Variants in HID1 observed in about 807,000 individuals in gnomAD.
HID1 encodes the protein HID1 domain containing, also known as protein HID1.
In HID1, 42 loss-of-function variants were observed where a neutral mutation model predicts 89.7. The observed-to-expected ratio is 0.47, with a 90% CI of 0.37 to 0.61. HID1 has a LOEUF of 0.61. Among genes scored for constraint, HID1 ranks in the 20% least tolerant of loss-of-function variants. The probability of loss-of-function intolerance (pLI) is 0.00; values close to 1 mark genes in which losing one functional copy is unlikely to be tolerated. For synonymous variants in HID1, 442 were observed against 433.8 expected, an observed-to-expected ratio of 1.02 and a Z score of -0.24; for missense variants, 854 against 1,039.3, an observed-to-expected ratio of 0.82 and a Z score of 2.45.
rs1301128741 is a variant in HID1 at position 74,963,022 on chromosome 17, A to G, written c.447T>C (p.Ile149=). The change falls in exon 4 of 19, where the codon ATT becomes ATC. Residue 149 remains isoleucine (I), a synonymous_variant. Transcript: ENST00000425042. ...AGTCCGGGCAGAAGAGCAGGTCAGC[A>G]ATGGCCAGGAGCAGGGACTCGGCCA... ...RPLAESLLLA[I]ADLLFCPDFT... is the part of the protein sequence containing the mutation. The G allele has an allele frequency of 6.2e-7, 1 of 1,613,536 alleles. No homozygotes were observed. Among genetic ancestry groups the G allele is most frequent in the Non-Finnish European group, 8.5e-7 (1 of 1,179,752 alleles).
In HID1 at chr17:74,960,214, T is replaced by C; in HGVS notation, c.763A>G (p.Thr255Ala). Residue 255 changes from threonine (T) to alanine (A), a missense_variant, in exon 7 of 19, where the codon ACC becomes GCC. Transcript: ENST00000425042. The part of the protein sequence containing the change: ...ALPLFTSLLN[T>A]VCAYDPVGYG... ...CCCACAGGGTCATAGGCACACACGG[T>C]GTTGAGGAGGGAGGTGAAGAGGGGC... 1 of 1,612,858 alleles carries C rather than the reference T, an allele frequency of 6.2e-7. No homozygotes were observed. The highest frequency in any genetic ancestry group is 1.1e-5 in the South Asian group (1 of 91,082).
At chr17:74,954,592 C>T (rs1327276347) in intron 13 of HID1, 2 of 710,388 alleles carry the variant, frequency 2.8e-6, no homozygotes, top group Middle Eastern at 4.1e-4. Flanking sequence ...CCTCACAACA[C>T]CCCCGCCCCA....
chr17:74,953,117 A>G, intron 15 of HID1, 31 bp from the exon 16 acceptor site: 1 of 1,401,814 alleles, frequency 7.1e-7, no homozygotes, highest in Non-Finnish European at 9.9e-7. Flanking sequence ...GGGGTGAGGG[A>G]TGGTGGCGGT....
chr17:74,954,466 G>T, intron 13 of HID1, 101 bp from the exon 14 acceptor site: 1 of 1,534,020 alleles, frequency 6.5e-7, no homozygotes. Flanking sequence ...AGGACAGGAG[G>T]GTGTCTGCCC....
Position 74,955,812 on chromosome 17 carries a change from A to T in HID1, c.1616T>A (p.Ile539Asn). ...VFFLLEVFNN[I>N]IQYQFDGNSN... ...CTCACCATCAAACTGGTACTGGATG[A>T]TGTTGTTGAAGACCTCCAGGAGGAA... Residue 539 changes from isoleucine (I) to asparagine (N), a missense_variant, in exon 13 of 19, where the codon ATC (isoleucine) becomes AAC (asparagine). By Grantham distance (149) the Ile-to-Asn change is moderately radical. Coordinates refer to ENST00000425042, the MANE Select transcript of HID1 (RefSeq NM_030630.3). The T allele has an allele frequency of 6.2e-7, 1 of 1,614,142 alleles. No individual in the cohort carries two copies. The highest frequency in any genetic ancestry group is 8.5e-7 in the Non-Finnish European group (1 of 1,180,000).
rs749162602 is a variant in HID1 at position 74,958,493 on chromosome 17, G to A, written c.1241-15C>T. On this transcript the variant is annotated splice_polypyrimidine_tract_variant and intron_variant, in intron 10 of 18. Transcript: ENST00000425042. The surrounding 1 kb of genome is among the most constrained non-coding windows in gnomAD (Gnocchi z 5.2). The stretch of plus-strand genomic sequence containing the variant: ...GCCCACCCGAGCTGCGGCAGGTGGC[G>A]TGGGAGGGGTCACTCGGGTGGGAGG... 1.1e-5 allele frequency: 17 copies of A among 1,582,630 alleles called. No individual in the cohort carries two copies. Among genetic ancestry groups the A allele is most frequent in the Middle Eastern group, 1.7e-4 (1 of 6,044 alleles).
intron 1 of HID1, among the ~76,000 whole-genome samples, chr17:74,971,387 G>A (rs917262060): frequency 5.9e-5 from 9 of 152,196 alleles, no homozygotes; most frequent in East Asian, 1.9e-4. Flanking sequence ...AGAGAAGTGC[G>A]GTCTGGTTTC....
intron 3 of HID1, 81 bp downstream of exon 3, chr17:74,963,659 A>C: frequency 7.4e-7 from 1 of 1,359,276 alleles, no homozygotes; most frequent in Non-Finnish European, 1.0e-6. Flanking sequence ...AGAGGCTTGG[A>C]GGAGCATGGC....
chr17:74,954,767 T>A (rs1324240824), intron 13 of HID1: 2 of 266,762 alleles, frequency 7.5e-6, no homozygotes, highest in Non-Finnish European at 1.5e-5. Flanking sequence ...AGAGGATCCG[T>A]CCATCCCCCA....
Position 74,959,934 on chromosome 17 carries a change from G to C in HID1, c.955C>G (p.Pro319Ala), listed in dbSNP as rs1359720035. Residue 319 changes from proline to alanine, a missense_variant, in exon 8 of 19, where the codon CCA becomes GCA. Pro to Ala is a conservative substitution (Grantham distance 27). Coordinates refer to ENST00000425042, the MANE Select transcript of HID1 (RefSeq NM_030630.3). This position sits in a 1 kb window ranked among gnomAD's most constrained non-coding sequence, Gnocchi z 4.6. The stretch of plus-strand genomic sequence containing the variant: ...TTCACAAACAGGTTCTCAGGGCCTG[G>C]AGGCTGCCAAGAGGAGAAGCCCCTG... Reference protein sequence around the residue: ...TGTAMDDADPPGPENLFVNYL... With the variant: ...TGTAMDDADPAGPENLFVNYL... 1 of 1,613,706 alleles carries C rather than the reference G, an allele frequency of 6.2e-7. No homozygotes were observed. Among genetic ancestry groups the C allele is most frequent in the Middle Eastern group, 1.6e-4 (1 of 6,062 alleles).
Position 74,964,102 on chromosome 17 carries a change from A to G in HID1, c.217-192T>C, listed in dbSNP as rs1044966935. The G allele has an allele frequency of 2.5e-5, 16 of 627,604 alleles. 2 individuals carry two copies. Among genetic ancestry groups the G allele is most frequent in the Non-Finnish European group, 5.6e-6 (2 of 359,340 alleles). 38.9% of individuals were successfully genotyped at this position (627,604 alleles called of 1,614,324 possible). On this transcript the variant is annotated intron_variant, in intron 2 of 18. Coordinates refer to ENST00000425042, the MANE Select transcript of HID1 (RefSeq NM_030630.3). ...TCGGCCAGCCTTGGGGGACTGGGAC[A>G]CAGGCCAGAGCAGCTTGGAGCATCA...
At position 74,972,537 on chromosome 17, in the gene HID1, G is replaced by T; in HGVS notation, c.66+54C>A. On this transcript the variant is annotated intron_variant, in intron 1 of 18. Coordinates refer to ENST00000425042, the MANE Select transcript of HID1 (RefSeq NM_030630.3). This position sits in a 1 kb window ranked among gnomAD's most constrained non-coding sequence, Gnocchi z 6.4. ...GCCAAGTTCGCGTACCCCCGGCCCTGCCCAGCCCCCAGCCCGGCAGGTGGA... is the reference window on the plus strand; with the variant it reads ...GCCAAGTTCGCGTACCCCCGGCCCTTCCCAGCCCCCAGCCCGGCAGGTGGA... 1.3e-6 allele frequency: 2 copies of T among 1,488,206 alleles called. No individual in the cohort carries two copies. Among genetic ancestry groups the T allele is most frequent in the Admixed American group, 2.0e-5 (1 of 49,240 alleles). 92.2% of individuals were successfully genotyped at this position (1,488,206 alleles called of 1,614,324 possible). A position where few individuals can be genotyped will look rare whatever the true frequency, so the allele number is the denominator to read the frequency against.
intron 2 of HID1, 110 bp downstream of exon 2, chr17:74,964,373 G>A (rs2039530657): frequency 1.6e-6 from 2 of 1,216,480 alleles, no homozygotes; most frequent in East Asian, 2.6e-5. Flanking sequence ...GCTGAGTGAG[G>A]CCACAGGGCT....
At chr17:74,960,278 G>A (rs2039459505) in intron 6 of HID1, 30 bp from the exon 7 acceptor site, 1 of 1,573,298 alleles carries the variant, frequency 6.4e-7, no homozygotes, top group African/African-American at 1.3e-5. Context: ...AGGCTGCAGA[G>A]GCTGCACTGG....
rs192667999 is a variant in HID1 at position 74,954,017 on chromosome 17, C to A, written c.1864+121G>T. The A allele has an allele frequency of 9.7e-5, 95 of 979,438 alleles. 1 individual carries two copies. The East Asian group carries it at 1.0e-3, about 10-fold the overall frequency. The allele number at this position is 979,438 out of a possible 1,614,324, so 60.7% of individuals were successfully genotyped here. ...CCCCATCCCTGTTGCCCAGCCCCAT[C>A]CCCTCGGCTTCCATACATAAGCCAT... On this transcript the variant is annotated intron_variant, in intron 14 of 18. Transcript: ENST00000425042.
Position 74,961,939 on chromosome 17 carries a change from A to C in HID1, c.662T>G (p.Leu221Arg). ...LLTCFSEAMY[L>R]PPAPESGSTN... is the part of the protein sequence containing the mutation. ...GCTGCCACTTTCCGGAGCTGGGGGC[A>C]GGTACATGGCCTCGGAGAAGCATGT... Residue 221 changes from leucine to arginine, a missense_variant, in exon 6 of 19, where the codon CTG (leucine) becomes CGG (arginine). By Grantham distance (102) the Leu-to-Arg change is moderately radical. Coordinates refer to ENST00000425042, the MANE Select transcript of HID1 (RefSeq NM_030630.3). 6.2e-7 allele frequency: 1 copy of C among 1,603,818 alleles called. No individual in the cohort carries two copies. Among genetic ancestry groups the C allele is most frequent in the Non-Finnish European group, 8.5e-7 (1 of 1,175,176 alleles).
intron 2 of HID1, chr17:74,964,183 C>T: frequency 1.7e-6 from 1 of 593,790 alleles, no homozygotes; most frequent in East Asian, 2.8e-5. Context: ...AAGTGAGTCT[C>T]CCAGCCTCAG....
At position 74,972,274 on chromosome 17, in the gene HID1, G is replaced by T. The variant is rs2039660395; in HGVS notation, c.66+317C>A. On this transcript the variant is annotated intron_variant, in intron 1 of 18. Transcript: ENST00000425042. The surrounding 1 kb of genome is among the most constrained non-coding windows in gnomAD (Gnocchi z 6.4). ...CGGGAGGCTGGAGATGCGAAGCTGGGGACGCCGCGGGGCGGGACAGGGGGC... is the reference window on the plus strand; with the variant it reads ...CGGGAGGCTGGAGATGCGAAGCTGGTGACGCCGCGGGGCGGGACAGGGGGC... Among the ~76,000 whole-genome samples the T allele has an allele frequency of 1.3e-5, 2 of 151,372 alleles. No homozygotes were observed. The highest frequency in any genetic ancestry group is 3.0e-5 in the Non-Finnish European group (2 of 67,696).
At position 74,958,477 on chromosome 17, in the gene HID1, A is replaced by G. The variant is rs779364899; in HGVS notation, c.1242T>C (p.Ser414=). ...FFLNDARADQ[S]RVGLMHIGVF... ...CACCAATGTGCATCAGGCCCACCCG[A>G]GCTGCGGCAGGTGGCGTGGGAGGGG... The change falls in exon 11 of 19, where the codon TCT becomes TCC. Residue 414 remains serine (S), a splice_region_variant and synonymous_variant. Transcript: ENST00000425042. The surrounding 1 kb of genome is among the most constrained non-coding windows in gnomAD (Gnocchi z 5.2). 11 of 1,590,820 alleles carry G rather than the reference A, an allele frequency of 6.9e-6. No individual in the cohort carries two copies. In the East Asian group the frequency reaches 1.6e-4, roughly 23 times the overall value.
Sources: gnomAD v4.1 joint callset for allele counts (sites outside exome capture counted in the v4.1 genomes callset) on GRCh38, gnomAD v4.1.1 for gene constraint, Gnocchi (gnomAD v3.1) non-coding constraint, MANE v1.5 for transcripts, NCBI Gene and HGNC (gene_info 2026-07-23, HGNC 2026-07-21) for gene names.